Variants in CRPPA observed in about 807,000 individuals in gnomAD.
The protein encoded by CRPPA is D-ribitol-5-phosphate cytidylyltransferase.
CRPPA carries 43 observed loss-of-function variants against 52.0 expected under a neutral mutation model. The observed-to-expected ratio is 0.83, with a 90% CI of 0.65 to 1.07. The LOEUF is 1.07. CRPPA is among the 50% of genes least tolerant of loss of function. The pLI, the probability that CRPPA is intolerant of heterozygous loss-of-function variation, is 0.00. For missense variants in CRPPA, 629 were observed against 551.7 expected, an observed-to-expected ratio of 1.14 and a Z score of -1.40; for synonymous variants, 250 against 203.5, an observed-to-expected ratio of 1.23 and a Z score of -1.94.
intron 9 of CRPPA, among the ~76,000 whole-genome samples, chr7:16,124,124 T>TTG (rs1562515762): frequency 1.3e-5 from 2 of 151,222 alleles, no homozygotes; most frequent in Non-Finnish European, 3.0e-5. Flanking sequence ...TATTTTTTTT[T>TTG]TGAGGAACCT....
intron 9 of CRPPA, among the ~76,000 whole-genome samples, chr7:16,130,818 T>C (rs1304687383): frequency 6.6e-6 from 1 of 152,172 alleles, no homozygotes; most frequent in Non-Finnish European, 1.5e-5. Flanking sequence ...TGTTGAAGCT[T>C]CATGCTCAGT....
chr7:16,387,478 A>G (rs1338020812), intron 2 of CRPPA, among the ~76,000 whole-genome samples: 1 of 152,172 alleles, frequency 6.6e-6, no homozygotes, highest in African/African-American at 2.4e-5. Flanking sequence ...AGAAAGCAAT[A>G]GGAGACATGA....
At chr7:16,307,222 A>T (rs1784930823) in intron 4 of CRPPA, among the ~76,000 whole-genome samples, 1 of 152,226 alleles carries the variant, frequency 6.6e-6, no homozygotes, top group African/African-American at 2.4e-5. Flanking sequence ...AAATAATCTT[A>T]TTTCCAAATG....
At chr7:16,308,733 G>T (rs559983285) in intron 3 of CRPPA, 106 bp from the exon 4 acceptor site, 74 of 686,806 alleles carry the variant, frequency 1.1e-4, no homozygotes, top group South Asian at 8.3e-4. Flanking sequence ...GGCCTAGGGG[G>T]CTCAAACTAT....
At chr7:16,156,089 T>C (rs943523334) in intron 9 of CRPPA, among the ~76,000 whole-genome samples, 18 of 144,052 alleles carry the variant, frequency 1.2e-4, no homozygotes, top group Non-Finnish European at 1.6e-4. Context: ...CTAAACCCTG[T>C]ATAGACTTAC....
At chr7:16,251,704 A>T (rs931321374) in intron 8 of CRPPA, among the ~76,000 whole-genome samples, 4 of 152,236 alleles carry the variant, frequency 2.6e-5, no homozygotes, top group Non-Finnish European at 5.9e-5. Flanking sequence ...AACATACCAG[A>T]ATCTCTGGGA....
At chr7:16,189,666 A>G (rs1781569397) in intron 9 of CRPPA, among the ~76,000 whole-genome samples, 1 of 152,202 alleles carries the variant, frequency 6.6e-6, no homozygotes, top group Non-Finnish European at 1.5e-5. Flanking sequence ...AGCAACATCA[A>G]AGATCAAAAT....
At chr7:16,216,986 C>T (rs569482851) in intron 8 of CRPPA, among the ~76,000 whole-genome samples, 1 of 152,174 alleles carries the variant, frequency 6.6e-6, no homozygotes, top group Non-Finnish European at 1.5e-5. Context: ...CCTCTGGGGG[C>T]AGGGCACAGA....
rs147751075 is a variant in CRPPA, at chr7:16,192,679, G to A, written c.1251+23387C>T. Among the ~76,000 whole-genome samples the A allele has an allele frequency of 6.0e-4, 91 of 152,124 alleles. 1 individual carries two copies. The highest frequency in any genetic ancestry group is 1.7e-3 in the East Asian group (9 of 5,184). On this transcript the variant is annotated intron_variant, in intron 9 of 9. Coordinates refer to ENST00000407010, the MANE Select transcript of CRPPA (RefSeq NM_001101426.4). Reference sequence around the variant, plus strand: ...ATGTTTGAGATTCAACTTTGTTGTCGTATGTCTGTAGATTTGTTTAACCTC... The same window carrying A: ...ATGTTTGAGATTCAACTTTGTTGTCATATGTCTGTAGATTTGTTTAACCTC...
At chr7:16,387,064 TATATATATATATATATATATATAC>T (rs1301615036) in intron 2 of CRPPA, among the ~76,000 whole-genome samples, 1,660 of 73,966 alleles carry the variant, frequency 0.022, 68 homozygotes, top group African/African-American at 0.092. Context: ...TATATATATA[TATATATATATATATATATATATAC>T]ACACATATAT....
intron 9 of CRPPA, among the ~76,000 whole-genome samples, chr7:16,171,289 A>C (rs1781180614): frequency 6.6e-6 from 1 of 152,234 alleles, no homozygotes; most frequent in South Asian, 2.1e-4. Context: ...TAAAAAGCTA[A>C]TTCGTATTAA....
chr7:16,259,881 G>T (rs1172418806), intron 6 of CRPPA, among the ~76,000 whole-genome samples: 1 of 151,892 alleles, frequency 6.6e-6, no homozygotes, highest in Non-Finnish European at 1.5e-5. Flanking sequence ...AGCTTAATTT[G>T]CTATAATTTT....
intron 2 of CRPPA, among the ~76,000 whole-genome samples, chr7:16,378,902 A>C (rs1786989855): frequency 6.6e-6 from 1 of 152,090 alleles, no homozygotes; most frequent in Non-Finnish European, 1.5e-5. Context: ...GGCTGCATAA[A>C]CGTCTTCTTT....
At chr7:16,394,429 T>C (rs1787520286) in intron 2 of CRPPA, among the ~76,000 whole-genome samples, 1 of 152,108 alleles carries the variant, frequency 6.6e-6, no homozygotes, top group Admixed American at 6.6e-5. Flanking sequence ...AAAGATGTTA[T>C]ACAACTAAAG....
chr7:16,280,799 C>A (rs1462600456), intron 5 of CRPPA, among the ~76,000 whole-genome samples: 1 of 152,130 alleles, frequency 6.6e-6, no homozygotes, highest in Non-Finnish European at 1.5e-5. Context: ...GGTGGAAGAT[C>A]ACTTGAGGTC....
At chr7:16,355,980 G>T (rs1001229095) in intron 3 of CRPPA, among the ~76,000 whole-genome samples, 4 of 151,916 alleles carry the variant, frequency 2.6e-5, no homozygotes, top group African/African-American at 9.7e-5. Flanking sequence ...TGATAGTAGT[G>T]ACAATACCTT....
intron 9 of CRPPA, among the ~76,000 whole-genome samples, chr7:16,167,034 T>G (rs1436644821): frequency 2.0e-5 from 3 of 151,858 alleles, no homozygotes; most frequent in Non-Finnish European, 4.4e-5. Flanking sequence ...GTTCACACCA[T>G]TGTCCTGCCT....
chr7:16,358,858 T>G (rs1786371325), intron 3 of CRPPA, among the ~76,000 whole-genome samples: 1 of 152,228 alleles, frequency 6.6e-6, no homozygotes. Context: ...ATTACATCTT[T>G]AGCTCCCAAA....
In CRPPA at chr7:16,227,561, T is replaced by C. The variant is rs911761868; in HGVS notation, c.1120-11364A>G. On this transcript the variant is annotated intron_variant, in intron 8 of 9. Coordinates refer to ENST00000407010, the MANE Select transcript of CRPPA (RefSeq NM_001101426.4). ...ACGTCTATTCAGGTCTTCTACTGTT[T>C]TGTTAATATCTTGTTTTCTTGATAT... 2.0e-5 allele frequency among the ~76,000 whole-genome samples: 3 copies of C among 151,894 alleles called. No individual in the cohort carries two copies. The East Asian group carries it at 5.8e-4, about 29-fold the overall frequency.
Sources: gnomAD v4.1 joint callset for allele counts (sites outside exome capture counted in the v4.1 genomes callset) on GRCh38, gnomAD v4.1.1 for gene constraint, MANE v1.5 for transcripts, NCBI Gene and HGNC (gene_info 2026-07-23, HGNC 2026-07-21) for gene names.